CTNNA3: variants seen among roughly 807,000 people sequenced by gnomAD.
CTNNA3 encodes catenin alpha 3, also known as catenin alpha-3.
Under a neutral mutation model 95.7 loss-of-function variants are expected in CTNNA3, and 76 were observed. The ratio of observed to expected loss-of-function variants is 0.79; its 90% CI spans 0.66 to 0.96. The LOEUF (loss-of-function observed/expected upper bound fraction) is 0.96, where lower values mean the gene tolerates loss of function less well. Among genes scored for constraint, CTNNA3 ranks in the 40% least tolerant of loss-of-function variants. The pLI is 0.00. For synonymous variants in CTNNA3, 431 were observed against 374.4 expected (o/e 1.15, Z -1.74); for missense variants, 1,191 against 1,089.8 (o/e 1.09, Z -1.31).
intron 16 of CTNNA3, among the ~76,000 whole-genome samples, chr10:65,982,672 T>A (rs868865747): frequency 2.0e-5 from 3 of 150,288 alleles, no homozygotes; most frequent in Non-Finnish European, 4.5e-5. Context: ...GTGGTATATA[T>A]GTGTGTGTGT....
At position 66,345,866 on chromosome 10, in the gene CTNNA3, A is replaced by G. The variant is rs536540218; in HGVS notation, c.1732+33286T>C. Among the ~76,000 whole-genome samples, 7 of 151,906 alleles carry G rather than the reference A, an allele frequency of 4.6e-5. No individual in the cohort carries two copies. In the South Asian group the frequency reaches 1.5e-3, roughly 32 times the overall value. ...CAAGGCGGGTGGATCACCTGAGGTCAGGAGTTTGAGACCAGCCTGACCAGT... is the reference window on the plus strand; with the variant it reads ...CAAGGCGGGTGGATCACCTGAGGTCGGGAGTTTGAGACCAGCCTGACCAGT... On this transcript the variant is annotated intron_variant, in intron 12 of 17. Transcript: ENST00000433211.
chr10:67,170,570 G>T (rs1327369708), intron 7 of CTNNA3, among the ~76,000 whole-genome samples: 1 of 152,108 alleles, frequency 6.6e-6, no homozygotes, highest in Non-Finnish European at 1.5e-5. Context: ...TAAATGACAA[G>T]AACTTATAAA....
In CTNNA3 at chr10:67,612,670, A is replaced by C. The variant is rs1297572539; in HGVS notation, c.100-5621T>G. Among the ~76,000 whole-genome samples, 3 of 152,218 alleles carry C rather than the reference A, an allele frequency of 2.0e-5. No homozygotes were observed. In the East Asian group the frequency reaches 5.8e-4, roughly 29 times the overall value. On this transcript the variant is annotated intron_variant, in intron 2 of 17. Transcript: ENST00000433211. ...TAGAAAATGAAAACACAGCATGCCC[A>C]AAGTAGAGAAGCCTTTGCCCATCAA...
chr10:66,087,175 T>C (rs911102500), intron 14 of CTNNA3, among the ~76,000 whole-genome samples: 1 of 152,008 alleles, frequency 6.6e-6, no homozygotes, highest in Non-Finnish European at 1.5e-5. Flanking sequence ...ACCAATCCCC[T>C]GGGCCCAATT....
intron 9 of CTNNA3, among the ~76,000 whole-genome samples, chr10:66,628,121 T>C (rs1845001930): frequency 6.6e-6 from 1 of 152,094 alleles, no homozygotes; most frequent in Non-Finnish European, 1.5e-5. Flanking sequence ...TTTAAAAATA[T>C]TTTCCCATCA....
At chr10:66,991,269 T>C (rs967721534) in intron 7 of CTNNA3, among the ~76,000 whole-genome samples, 1 of 152,220 alleles carries the variant, frequency 6.6e-6, no homozygotes, top group Non-Finnish European at 1.5e-5. Flanking sequence ...TTAAATGATC[T>C]GCACATTACT....
At chr10:66,021,852 C>CTTTTTTTTTTTTTTTTTT (rs34671813) in intron 15 of CTNNA3, among the ~76,000 whole-genome samples, 797 of 75,788 alleles carry the variant, frequency 0.011, 206 homozygotes, top group East Asian at 0.031. Flanking sequence ...AGGATCTTGG[C>CTTTTTTTTTTTTTTTTTT]TTTTTTTTTT....
chr10:66,870,484 T>G (rs566112065), intron 7 of CTNNA3, among the ~76,000 whole-genome samples: 2 of 152,330 alleles, frequency 1.3e-5, no homozygotes, highest in Admixed American at 1.3e-4. Flanking sequence ...ATTGCAAACA[T>G]ACTCACTTGT....
intron 14 of CTNNA3, among the ~76,000 whole-genome samples, chr10:66,082,431 A>G (rs1443962618): frequency 6.6e-6 from 1 of 152,200 alleles, no homozygotes; most frequent in Non-Finnish European, 1.5e-5. Context: ...AAATATCAAG[A>G]TCATGAAACA....
chr10:66,597,061 C>T (rs2132245733), intron 10 of CTNNA3, among the ~76,000 whole-genome samples: 1 of 151,926 alleles, frequency 6.6e-6, no homozygotes, highest in African/African-American at 2.4e-5. Context: ...TAATAGTAAG[C>T]TTCAATAGCA....
intron 2 of CTNNA3, among the ~76,000 whole-genome samples, chr10:67,618,374 A>T (rs1456780995): frequency 6.6e-6 from 1 of 152,174 alleles, no homozygotes; most frequent in Non-Finnish European, 1.5e-5. Flanking sequence ...ACTCCTACTT[A>T]CGTATTCCAG....
intron 11 of CTNNA3, among the ~76,000 whole-genome samples, chr10:66,405,684 C>T (rs981474229): frequency 1.2e-4 from 18 of 152,160 alleles, no homozygotes; most frequent in African/African-American, 4.3e-4. Flanking sequence ...TATTCTTTTG[C>T]TGCATATCAT....
chr10:67,728,701 T>G (rs1405742421), intron 1 of CTNNA3, among the ~76,000 whole-genome samples: 3 of 151,978 alleles, frequency 2.0e-5, no homozygotes, highest in Admixed American at 6.6e-5. Context: ...AATTTTTCAT[T>G]GTTTTATTAT....
intron 16 of CTNNA3, 115 bp downstream of exon 16, chr10:65,988,577 T>C (rs893296868): frequency 3.0e-5 from 21 of 699,508 alleles, no homozygotes; most frequent in Admixed American, 5.3e-5. Flanking sequence ...AATTCAATTA[T>C]AATTTAGAAA....
At chr10:66,792,775 A>C (rs1194035375) in intron 7 of CTNNA3, among the ~76,000 whole-genome samples, 1 of 152,200 alleles carries the variant, frequency 6.6e-6, no homozygotes, top group Non-Finnish European at 1.5e-5. Flanking sequence ...TGATATTATC[A>C]GGAGTAATTA....
At chr10:67,689,052 C>A (rs902214781) in intron 1 of CTNNA3, among the ~76,000 whole-genome samples, 13 of 152,070 alleles carry the variant, frequency 8.5e-5, no homozygotes, top group African/African-American at 2.9e-4. Flanking sequence ...GATTTAGTGG[C>A]CCTTACCGAT....
At chr10:67,691,926 G>A (rs561506433) in intron 1 of CTNNA3, among the ~76,000 whole-genome samples, 63 of 150,060 alleles carry the variant, frequency 4.2e-4, no homozygotes, top group African/African-American at 1.5e-3. Context: ...CACCCCGTCC[G>A]GGAGGGAGGG....
chr10:67,012,039 C>G (rs1403442193), intron 7 of CTNNA3, among the ~76,000 whole-genome samples: 1 of 152,148 alleles, frequency 6.6e-6, no homozygotes. Context: ...GAAACAGAAA[C>G]TTAAAGAAAT....
intron 2 of CTNNA3, among the ~76,000 whole-genome samples, chr10:67,628,390 C>T (rs1485495760): frequency 6.6e-6 from 1 of 152,024 alleles, no homozygotes; most frequent in Non-Finnish European, 1.5e-5. Flanking sequence ...TCCTTTATTA[C>T]ACCAGCTAAA....
Sources: allele counts gnomAD v4.1 joint callset (sites outside exome capture counted in the v4.1 genomes callset), GRCh38; gene constraint gnomAD v4.1.1; transcripts MANE v1.5; gene names NCBI Gene and HGNC (gene_info 2026-07-23, HGNC 2026-07-21).